SDK1: variants seen among roughly 807,000 people sequenced by gnomAD.
SDK1 encodes sidekick cell adhesion molecule 1.
In SDK1, 157 loss-of-function variants were observed where a neutral mutation model predicts 245.5. The observed-to-expected ratio is 0.64, with a 90% CI of 0.56 to 0.73. SDK1 has a LOEUF of 0.73. SDK1 is among the 30% of genes least tolerant of loss of function. SDK1 has a pLI of 0.00. For synonymous variants in SDK1, 1,647 were observed against 1,278.5 expected, an observed-to-expected ratio of 1.29 and a Z score of -6.15; for missense variants, 3,583 against 3,002.3, an observed-to-expected ratio of 1.19 and a Z score of -4.52.
intron 1 of SDK1, among the ~76,000 whole-genome samples, chr7:3,356,482 A>G (rs1292102646): frequency 1.3e-5 from 2 of 152,148 alleles, no homozygotes; most frequent in Admixed American, 6.5e-5. Context: ...GGGAGGCTGC[A>G]GTATATTTGG....
At position 4,208,207 on chromosome 7, in the gene SDK1, C is replaced by T. The variant is rs1332844815; in HGVS notation, c.5323C>T (p.Leu1775=). The change falls in exon 37 of 45, where the codon CTG becomes TTG. Residue 1775 remains leucine (L), a synonymous_variant. Transcript: ENST00000404826. Reference sequence around the variant, plus strand: ...GAACCTGACCAGCCATACCAAGTACCTGGTCAGCATATCAGCCTTCAACGC... The same window carrying T: ...GAACCTGACCAGCCATACCAAGTACTTGGTCAGCATATCAGCCTTCAACGC... ...LKNLTSHTKY[L]VSISAFNAAG... is the part of the protein sequence containing the mutation. The T allele has an allele frequency of 1.2e-6, 2 of 1,614,024 alleles. No homozygotes were observed. Among genetic ancestry groups the T allele is most frequent in the African/African-American group, 2.7e-5 (2 of 74,934 alleles).
intron 4 of SDK1, among the ~76,000 whole-genome samples, chr7:3,693,995 C>G (rs11773492): frequency 1.3e-5 from 2 of 152,070 alleles, no homozygotes; most frequent in Non-Finnish European, 2.9e-5. Flanking sequence ...GTGACTGACT[C>G]TTCCTCCAGA....
At chr7:4,063,605 A>T (rs866996416) in intron 19 of SDK1, among the ~76,000 whole-genome samples, 55 of 151,366 alleles carry the variant, frequency 3.6e-4, no homozygotes, top group Non-Finnish European at 1.3e-4. Flanking sequence ...AGCAAAAAAA[A>T]AAAACAAAAA....
intron 4 of SDK1, among the ~76,000 whole-genome samples, chr7:3,721,484 A>C (rs1778799140): frequency 6.6e-6 from 1 of 152,234 alleles, no homozygotes. Flanking sequence ...GAGAACATCA[A>C]ATAATAAGGC....
chr7:3,350,529 C>CT (rs1780632099), intron 1 of SDK1, among the ~76,000 whole-genome samples: 1 of 152,116 alleles, frequency 6.6e-6, no homozygotes, highest in African/African-American at 2.4e-5. Flanking sequence ...ATTAATAATA[C>CT]TGATAGTATG....
At chr7:4,074,894 A>C (rs868592990) in intron 20 of SDK1, among the ~76,000 whole-genome samples, 1,430 of 66,942 alleles carry the variant, frequency 0.021, 29 homozygotes, top group African/African-American at 0.054. Context: ...CTGTATATAT[A>C]TATATATATA....
chr7:3,409,320 C>T lies in SDK1; in HGVS notation c.298+107436C>T, dbSNP rs544937043. Among the ~76,000 whole-genome samples the T allele has an allele frequency of 5.1e-5, 7 of 138,518 alleles. No individual in the cohort carries two copies. In the East Asian group the frequency reaches 1.2e-3, roughly 25 times the overall value. 90.9% of individuals were successfully genotyped at this position (138,518 alleles called of 152,430 possible). On this transcript the variant is annotated intron_variant, in intron 1 of 44. Transcript: ENST00000404826. ...TGGTTTTTTTTTTTTTTTTGGATGC[C>T]TTTGAGGCCATCTGAACAATACTCT...
Position 4,009,876 on chromosome 7 carries a change from A to G in SDK1, c.2132-1090A>G, listed in dbSNP as rs534662376. Among the ~76,000 whole-genome samples, 6 of 152,318 alleles carry G rather than the reference A, an allele frequency of 3.9e-5. No individual in the cohort carries two copies. In the South Asian group the frequency reaches 6.2e-4, roughly 16 times the overall value. ...GGTAAGGAGCTGGAGTGCATTTCCA[A>G]TGAGCTCGCAGGCGCAGACTTACGA... On this transcript the variant is annotated intron_variant, in intron 14 of 44. Coordinates refer to ENST00000404826, the MANE Select transcript of SDK1 (RefSeq NM_152744.4).
intron 4 of SDK1, among the ~76,000 whole-genome samples, chr7:3,688,620 A>G (rs772910508): frequency 6.6e-6 from 1 of 152,224 alleles, no homozygotes; most frequent in Non-Finnish European, 1.5e-5. Context: ...GATTTCTAGA[A>G]AGTCACTTAG....
chr7:4,159,626 T>C (rs960898037), intron 31 of SDK1, among the ~76,000 whole-genome samples: 2 of 152,120 alleles, frequency 1.3e-5, no homozygotes, highest in Non-Finnish European at 2.9e-5. Flanking sequence ...GTCCCGGGTA[T>C]ATGGGGTGGT....
chr7:4,203,805 C>T (rs979509503), intron 35 of SDK1, among the ~76,000 whole-genome samples: 1 of 152,262 alleles, frequency 6.6e-6, no homozygotes, highest in Non-Finnish European at 1.5e-5. Context: ...ATATTTCTCT[C>T]TTCCCTGCTG....
rs557488607 is a variant in SDK1, at chr7:3,713,303, T to C, written c.713+71198T>C. The stretch of plus-strand genomic sequence containing the variant: ...GCTCAGGCTCTGTGTTGTGATAAAG[T>C]ACAATTGGGGTTGTTTGTCTTTCCA... On this transcript the variant is annotated intron_variant, in intron 4 of 44. Coordinates refer to ENST00000404826, the MANE Select transcript of SDK1 (RefSeq NM_152744.4). 9.8e-5 allele frequency among the ~76,000 whole-genome samples: 15 copies of C among 152,336 alleles called. No individual in the cohort carries two copies. In the East Asian group the frequency reaches 2.5e-3, roughly 25 times the overall value.
intron 14 of SDK1, among the ~76,000 whole-genome samples, chr7:4,000,669 G>A (rs1254263457): frequency 3.9e-5 from 6 of 152,194 alleles, no homozygotes; most frequent in African/African-American, 1.2e-4. Context: ...GCTGATGGGC[G>A]TTGTGCTGTT....
At chr7:4,257,250 T>C (rs1230373324) in intron 44 of SDK1, among the ~76,000 whole-genome samples, 1 of 152,228 alleles carries the variant, frequency 6.6e-6, no homozygotes, top group Non-Finnish European at 1.5e-5. Flanking sequence ...AGATTATCTT[T>C]ATTAGCTGCT....
intron 1 of SDK1, among the ~76,000 whole-genome samples, chr7:3,421,579 A>G (rs796546026): frequency 3.3e-5 from 5 of 152,306 alleles, no homozygotes; most frequent in African/African-American, 1.2e-4. Context: ...TTGAGCTGCT[A>G]TCTGTAAACT....
chr7:4,003,178 T>A (rs1054619918), intron 14 of SDK1, among the ~76,000 whole-genome samples: 1 of 152,284 alleles, frequency 6.6e-6, no homozygotes, highest in Non-Finnish European at 1.5e-5. Context: ...TACACACAGA[T>A]CTGCTCTTCT....
At chr7:3,364,894 A>T (rs1195947822) in intron 1 of SDK1, among the ~76,000 whole-genome samples, 2 of 152,182 alleles carry the variant, frequency 1.3e-5, no homozygotes, top group Non-Finnish European at 2.9e-5. Context: ...CTTCCAATCT[A>T]TGAACATGGT....
intron 17 of SDK1, among the ~76,000 whole-genome samples, chr7:4,017,891 A>G (rs1443400745): frequency 6.6e-6 from 1 of 152,202 alleles, no homozygotes; most frequent in Non-Finnish European, 1.5e-5. Flanking sequence ...GACCAGACAT[A>G]AACGTCATGA....
chr7:4,079,984 G>A (rs1333887531), intron 22 of SDK1, among the ~76,000 whole-genome samples: 1 of 152,206 alleles, frequency 6.6e-6, no homozygotes, highest in Non-Finnish European at 1.5e-5. Flanking sequence ...TATTTTTAGA[G>A]ACGATTGTTC....
Sources: gnomAD v4.1 joint callset for allele counts (sites outside exome capture counted in the v4.1 genomes callset) on GRCh38, gnomAD v4.1.1 for gene constraint, MANE v1.5 for transcripts, NCBI Gene and HGNC (gene_info 2026-07-23, HGNC 2026-07-21) for gene names.